GABRP: variants seen among roughly 807,000 people sequenced by gnomAD.
GABRP encodes gamma-aminobutyric acid receptor subunit pi.
GABRP carries 52 observed loss-of-function variants against 47.8 expected under a neutral mutation model. The ratio of observed to expected loss-of-function variants is 1.09; its 90% confidence interval spans 0.87 to 1.37. GABRP has a LOEUF of 1.37. Among genes scored for constraint, GABRP ranks in the 40% most tolerant of loss-of-function variants. The probability of loss-of-function intolerance (pLI) is 0.00; values close to 1 mark genes in which losing one functional copy is unlikely to be tolerated. For missense variants in GABRP, 525 were observed against 542.8 expected (o/e 0.97, Z 0.33); for synonymous variants, 221 against 205.8 (o/e 1.07, Z -0.63).
rs554098425 is a variant in GABRP, at chr5:170,803,738, C to G, written c.542-1978C>G. Among the ~76,000 whole-genome samples the G allele has an allele frequency of 4.7e-3, 648 of 138,368 alleles. 7 individuals are homozygous for G. Among genetic ancestry groups the G allele is most frequent in the African/African-American group, 0.016 (620 of 38,258 alleles). The allele number at this position is 138,368 out of a possible 152,430, so 90.8% of individuals were successfully genotyped here. Reference sequence around the variant, plus strand: ...TATTTCTTATAAATGGAATCATGCACTATGTGGTTGGTTGGTTGGTTGGTT... The same window carrying G: ...TATTTCTTATAAATGGAATCATGCAGTATGTGGTTGGTTGGTTGGTTGGTT... On this transcript the variant is annotated intron_variant, in intron 6 of 9. Coordinates refer to ENST00000265294, the MANE Select transcript of GABRP (RefSeq NM_014211.3).
At position 170,787,225 on chromosome 5, in the gene GABRP, G is replaced by A. The variant is rs140091165; in HGVS notation, c.-42-1349G>A. Among the ~76,000 whole-genome samples the A allele has an allele frequency of 2.5e-3, 375 of 152,330 alleles. 3 individuals are homozygous for A. The highest frequency in any genetic ancestry group is 8.1e-3 in the African/African-American group (338 of 41,576). On this transcript the variant is annotated intron_variant, in intron 1 of 9. Transcript: ENST00000265294. ...GTTTTGAAAGTAAAATAACATTAAT[G>A]AGTGGCTGAATCATGCCCTAAGCTC...
At chr5:170,789,053 C>A (rs1038381882) in intron 2 of GABRP, 76 bp from the exon 3 acceptor site, 52 of 1,162,222 alleles carry the variant, frequency 4.5e-5, no homozygotes, top group Non-Finnish European at 6.4e-5. Context: ...CGTGGGCAAA[C>A]ACAAGCTCAA....
chr5:170,784,378 G>A (rs889401712), intron 1 of GABRP, among the ~76,000 whole-genome samples: 4 of 152,142 alleles, frequency 2.6e-5, no homozygotes, highest in African/African-American at 7.2e-5. Context: ...GCACATATTG[G>A]AATTATTTCT....
At position 170,786,330 on chromosome 5, in the gene GABRP, A is replaced by C. The variant is rs74472671; in HGVS notation, c.-42-2244A>C. Among the ~76,000 whole-genome samples the C allele has an allele frequency of 6.1e-3, 936 of 152,332 alleles. 9 individuals carry two copies. The highest frequency in any genetic ancestry group is 0.021 in the African/African-American group (882 of 41,574). On this transcript the variant is annotated intron_variant, in intron 1 of 9. Transcript: ENST00000265294. ...GTTGATTTTATAACTGGTATTTTCA[A>C]TGAGTGAGAACAAAAAAGCTAACAT...
At position 170,789,183 on chromosome 5, in the gene GABRP, T is replaced by C; in HGVS notation, c.108T>C (p.Leu36=). The change falls in exon 3 of 10, where the codon CTT becomes CTC. Residue 36 remains leucine (L), a synonymous_variant. Coordinates refer to ENST00000265294, the MANE Select transcript of GABRP (RefSeq NM_014211.3). The part of the protein sequence containing the change: ...FNVEVGRSDK[L]SLPGFENLTA... ...TCGAGGTCGGCAGAAGTGACAAGCTTTCCCTGCCTGGCTTTGAGAACCTCA... is the reference window on the plus strand; with the variant it reads ...TCGAGGTCGGCAGAAGTGACAAGCTCTCCCTGCCTGGCTTTGAGAACCTCA... 6.2e-7 allele frequency: 1 copy of C among 1,614,210 alleles called. No individual in the cohort carries two copies. Among genetic ancestry groups the C allele is most frequent in the Non-Finnish European group, 8.5e-7 (1 of 1,180,036 alleles).
chr5:170,785,939 T>C (rs1003763785), intron 1 of GABRP, among the ~76,000 whole-genome samples: 3 of 152,188 alleles, frequency 2.0e-5, no homozygotes, highest in African/African-American at 7.2e-5. Flanking sequence ...TGCAACTCAC[T>C]CTTCAAGAAT....
At chr5:170,793,073 C>T (rs977627984) in intron 3 of GABRP, among the ~76,000 whole-genome samples, 1 of 152,144 alleles carries the variant, frequency 6.6e-6, no homozygotes, top group East Asian at 1.9e-4. Context: ...GTACAGATAA[C>T]CAATGATGAA....
intron 1 of GABRP, 77 bp from the exon 2 acceptor site, chr5:170,788,497 C>CA: frequency 1.1e-6 from 1 of 950,638 alleles, no homozygotes; most frequent in East Asian, 2.4e-5. Flanking sequence ...ACCGACCACC[C>CA]ACCAGAGAGA....
chr5:170,787,263 A>T (rs779366816), intron 1 of GABRP, among the ~76,000 whole-genome samples: 4 of 152,248 alleles, frequency 2.6e-5, no homozygotes, highest in Non-Finnish European at 4.4e-5. Context: ...GAATGGCCAG[A>T]TTCTAGAAAG....
chr5:170,810,133 TC>T (rs1369802781), intron 9 of GABRP: 1 of 495,540 alleles, frequency 2.0e-6, no homozygotes, highest in Non-Finnish European at 3.6e-6. Context: ...CATTATTTTG[TC>T]CTTAAATTAT....
chr5:170,786,448 A>G (rs1019074819), intron 1 of GABRP, among the ~76,000 whole-genome samples: 4 of 152,228 alleles, frequency 2.6e-5, no homozygotes, highest in Middle Eastern at 3.2e-3. Flanking sequence ...CAGCATTCAC[A>G]GTAGAAGATG....
intron 3 of GABRP, among the ~76,000 whole-genome samples, chr5:170,789,458 C>T (rs1765208669): frequency 6.6e-6 from 1 of 152,150 alleles, no homozygotes; most frequent in Non-Finnish European, 1.5e-5. Context: ...TAAAGGAATG[C>T]TCCTTCTCAC....
rs757616650 is a variant in GABRP at position 170,795,251 on chromosome 5, A to G, written c.284A>G (p.Gln95Arg). The change falls in exon 5 of 10, where the codon CAG (glutamine) becomes CGG (arginine). Residue 95 changes from glutamine to arginine, a missense_variant. Gln to Arg is a conservative substitution (Grantham distance 43). Transcript: ENST00000265294. ...TIYLRQRWMD[Q>R]RLVFEGNKSF... ...TACCTCCGACAGCGCTGGATGGACC[A>G]GCGGCTGGTGTTTGAAGGCAACAAG... The G allele has an allele frequency of 1.9e-6, 3 of 1,613,582 alleles. No individual in the cohort carries two copies. The highest frequency in any genetic ancestry group is 1.7e-6 in the Non-Finnish European group (2 of 1,179,842).
intron 3 of GABRP, among the ~76,000 whole-genome samples, chr5:170,793,350 G>C (rs1329575021): frequency 6.6e-6 from 1 of 152,144 alleles, no homozygotes; most frequent in Non-Finnish European, 1.5e-5. Context: ...CCCTGACCTG[G>C]CCTGGCTTCT....
intron 6 of GABRP, among the ~76,000 whole-genome samples, chr5:170,800,861 G>A (rs1399076890): frequency 5.3e-5 from 8 of 152,120 alleles, no homozygotes; most frequent in African/African-American, 9.7e-5. Context: ...CAGGAGAATC[G>A]CTTGAACCCA....
At chr5:170,794,094 A>G (rs1765354284) in intron 3 of GABRP, 137 bp from the exon 4 acceptor site, 1 of 462,108 alleles carries the variant, frequency 2.2e-6, no homozygotes, top group Non-Finnish European at 3.6e-6. Flanking sequence ...TTTTCTTTTT[A>G]TATTTATAGA....
At chr5:170,807,105 T>C (rs9968692) in intron 7 of GABRP, among the ~76,000 whole-genome samples, 39,388 of 151,852 alleles carry the variant, frequency 0.26, 6,411 homozygotes, top group African/African-American at 0.46. Context: ...TGTGCCATCA[T>C]GCCTGGGTAA....
chr5:170,809,886 T>C lies in GABRP; in HGVS notation c.1020+131T>C. 4 of 867,884 alleles carry C rather than the reference T, an allele frequency of 4.6e-6. 1 individual carries two copies. In the South Asian group the frequency reaches 6.0e-5, roughly 13 times the overall value. The allele number at this position is 867,884 out of a possible 1,614,324, so 53.8% of individuals were successfully genotyped here. A position where few individuals can be genotyped will look rare whatever the true frequency, so the allele number is the denominator to read the frequency against. On this transcript the variant is annotated intron_variant, in intron 9 of 9. Transcript: ENST00000265294. Reference sequence around the variant, plus strand: ...CCCTGTGCTCCAGTGAGTCTTATCCTTGTTCAGGTGGGAGCAGCTGGAAGT... The same window carrying C: ...CCCTGTGCTCCAGTGAGTCTTATCCCTGTTCAGGTGGGAGCAGCTGGAAGT...
At chr5:170,809,464 G>T in intron 8 of GABRP, 104 bp from the exon 9 acceptor site, 1 of 1,074,894 alleles carries the variant, frequency 9.3e-7, no homozygotes. Context: ...CCATTTCTGG[G>T]TCTTGCCCTC....
Sources: gnomAD v4.1 joint callset for allele counts (sites outside exome capture counted in the v4.1 genomes callset) on GRCh38, gnomAD v4.1.1 for gene constraint, MANE v1.5 for transcripts, NCBI Gene and HGNC (gene_info 2026-07-23, HGNC 2026-07-21) for gene names.